SHANK2: variants seen among roughly 807,000 people sequenced by gnomAD.
The protein encoded by SHANK2 is SH3 and multiple ankyrin repeat domains 2, also known as SH3 and multiple ankyrin repeat domains protein 2.
A neutral mutation model predicts 133.7 loss-of-function variants in SHANK2; 43 were observed. The ratio of observed to expected loss-of-function variants is 0.32; its 90% CI spans 0.25 to 0.41. The LOEUF is 0.41. Ranked by LOEUF, SHANK2 falls within the 10% of genes least tolerant of loss-of-function variation. The pLI is 1.00. For missense variants in SHANK2, 1,994 were observed against 2,235.8 expected (o/e 0.89, Z 2.18); for synonymous variants, 1,017 against 952.8 (o/e 1.07, Z -1.24).
chr11:70,545,080 G>C (rs1565116715), intron 17 of SHANK2, among the ~76,000 whole-genome samples: 1 of 152,192 alleles, frequency 6.6e-6, no homozygotes, highest in African/African-American at 2.4e-5. Context: ...GCCAGGGCAG[G>C]CAAGGGCCAC....
chr11:70,594,335 C>T (rs1035033211), intron 17 of SHANK2, among the ~76,000 whole-genome samples: 1 of 152,148 alleles, frequency 6.6e-6, no homozygotes, highest in Non-Finnish European at 1.5e-5. Flanking sequence ...GGAGATCGGT[C>T]CCAGGACCCC....
chr11:70,706,411 G>A (rs1388950148), intron 14 of SHANK2, among the ~76,000 whole-genome samples: 1 of 152,122 alleles, frequency 6.6e-6, no homozygotes, highest in Non-Finnish European at 1.5e-5. Flanking sequence ...TCTGAATGGG[G>A]CAAGTTGGAG....
chr11:70,480,948 C>T (rs782575575), intron 25 of SHANK2, among the ~76,000 whole-genome samples: 3 of 152,246 alleles, frequency 2.0e-5, no homozygotes, highest in Non-Finnish European at 4.4e-5. Context: ...GCGTGCAGCA[C>T]TGTCAGGCCT....
At chr11:70,637,822 G>A (rs919872802) in intron 17 of SHANK2, among the ~76,000 whole-genome samples, 1 of 152,232 alleles carries the variant, frequency 6.6e-6, no homozygotes, top group Non-Finnish European at 1.5e-5. Flanking sequence ...AAGGAGCCTT[G>A]GTATCCCAGC....
intron 2 of SHANK2, among the ~76,000 whole-genome samples, chr11:71,170,300 A>C (rs1953287570): frequency 6.6e-6 from 1 of 152,244 alleles, no homozygotes. Flanking sequence ...AGACTAGAAC[A>C]ACGTAGTGGT....
At chr11:70,631,535 C>A (rs560776968) in intron 17 of SHANK2, among the ~76,000 whole-genome samples, 1 of 152,192 alleles carries the variant, frequency 6.6e-6, no homozygotes, top group Admixed American at 6.5e-5. Flanking sequence ...AAAGTCCCAG[C>A]GGACAGTGAG....
chr11:70,576,979 G>T (rs1554984407), intron 17 of SHANK2, among the ~76,000 whole-genome samples: 1 of 152,166 alleles, frequency 6.6e-6, no homozygotes, highest in African/African-American at 2.4e-5. Context: ...TTAGCGGAAG[G>T]GGTGGCCAGG....
chr11:70,617,824 A>C (rs1044721180), intron 17 of SHANK2, among the ~76,000 whole-genome samples: 2 of 151,806 alleles, frequency 1.3e-5, no homozygotes, highest in Non-Finnish European at 2.9e-5. Context: ...AACATCACAC[A>C]CCGGGGCCTG....
At chr11:70,688,696 A>G (rs1555020294) in intron 15 of SHANK2, among the ~76,000 whole-genome samples, 1 of 152,230 alleles carries the variant, frequency 6.6e-6, no homozygotes, top group African/African-American at 2.4e-5. Context: ...TGGGGCTGGC[A>G]GGTGGAGAGG....
intron 17 of SHANK2, chr11:70,631,955 A>G (rs1555002361): frequency 1.3e-5 from 2 of 152,242 alleles, no homozygotes; most frequent in African/African-American, 4.8e-5. Context: ...AATATATTAC[A>G]TTTCTTGGAA....
intron 11 of SHANK2, among the ~76,000 whole-genome samples, chr11:70,888,543 G>A (rs1484190841): frequency 3.9e-5 from 6 of 152,174 alleles, no homozygotes; most frequent in African/African-American, 1.2e-4. Flanking sequence ...GGCCGAGCGC[G>A]GTGGTTCACA....
chr11:71,139,126 A>G (rs1257507144), intron 3 of SHANK2, among the ~76,000 whole-genome samples: 1 of 152,214 alleles, frequency 6.6e-6, no homozygotes, highest in African/African-American at 2.4e-5. Flanking sequence ...ACTCAAGCAC[A>G]GAATGGGACA....
At chr11:70,742,750 G>A (rs1262313823) in intron 14 of SHANK2, among the ~76,000 whole-genome samples, 1 of 152,236 alleles carries the variant, frequency 6.6e-6, no homozygotes, top group Non-Finnish European at 1.5e-5. Flanking sequence ...TGGCTGACTG[G>A]CTGCCGGAGA....
At chr11:70,930,471 T>G (rs1950487122) in intron 10 of SHANK2, among the ~76,000 whole-genome samples, 1 of 152,084 alleles carries the variant, frequency 6.6e-6, no homozygotes, top group Non-Finnish European at 1.5e-5. Flanking sequence ...ATACAAAGTG[T>G]TAGTTATTAA....
At position 70,471,358 on chromosome 11, in the gene SHANK2, C is replaced by G; in HGVS notation, c.*1511G>C. Reference sequence around the variant, plus strand: ...ACCAAAAACCTGACATTCGAGTATCCTCCAAATGGGGGAGAATGTGCTGGA... The same window carrying G: ...ACCAAAAACCTGACATTCGAGTATCGTCCAAATGGGGGAGAATGTGCTGGA... On this transcript the variant is annotated 3_prime_UTR_variant, in exon 26 of 26. Coordinates refer to ENST00000601538, the MANE Select transcript of SHANK2 (RefSeq NM_012309.5). The surrounding 1 kb of genome is among the most constrained non-coding windows in gnomAD (Gnocchi z 4.1). 3 of 398,978 alleles carry G rather than the reference C, an allele frequency of 7.5e-6. No individual in the cohort carries two copies. Among genetic ancestry groups the G allele is most frequent in the Non-Finnish European group, 8.8e-6 (2 of 226,052 alleles). The allele number at this position is 398,978 out of a possible 1,614,324, so 24.7% of individuals were successfully genotyped here.
At chr11:70,935,593 C>T (rs1320501269) in intron 10 of SHANK2, among the ~76,000 whole-genome samples, 1 of 152,134 alleles carries the variant, frequency 6.6e-6, no homozygotes, top group Non-Finnish European at 1.5e-5. Flanking sequence ...CTATTCTGGC[C>T]TGGACATGAG....
intron 2 of SHANK2, among the ~76,000 whole-genome samples, chr11:71,173,083 G>A (rs782614838): frequency 7.2e-5 from 11 of 152,218 alleles, no homozygotes; most frequent in Non-Finnish European, 1.3e-4. Flanking sequence ...CGCCTTGTTT[G>A]ATGAAGTGTC....
chr11:71,113,465 G>C, intron 4 of SHANK2, 101 bp from the exon 5 acceptor site: 1 of 1,057,626 alleles, frequency 9.5e-7, no homozygotes, highest in African/African-American at 1.6e-5. Flanking sequence ...ACAGAAGACG[G>C]GGAACCCCAC....
chr11:70,537,667 G>A (rs111390190), intron 17 of SHANK2, among the ~76,000 whole-genome samples: 19 of 152,366 alleles, frequency 1.2e-4, no homozygotes, highest in African/African-American at 4.1e-4. Context: ...AAGCTGCCCC[G>A]TTTGTAGCCA....
Sources: allele counts gnomAD v4.1 joint callset (sites outside exome capture counted in the v4.1 genomes callset), GRCh38; gene constraint gnomAD v4.1.1; non-coding constraint Gnocchi (gnomAD v3.1); transcripts MANE v1.5; gene names NCBI Gene and HGNC (gene_info 2026-07-23, HGNC 2026-07-21).